PTPRQ: variants seen among roughly 807,000 people sequenced by gnomAD.
PTPRQ encodes phosphatidylinositol phosphatase PTPRQ.
PTPRQ carries 199 observed loss-of-function variants against 246.0 expected under a neutral mutation model. The observed-to-expected ratio is 0.81, with a 90% CI of 0.72 to 0.91. The LOEUF (loss-of-function observed/expected upper bound fraction) is 0.91, where lower values mean the gene tolerates loss of function less well. Among genes scored for constraint, PTPRQ ranks in the 40% least tolerant of loss-of-function variants. PTPRQ has a pLI of 0.00. For missense variants in PTPRQ, 2,624 were observed against 2,528.4 expected, an observed-to-expected ratio of 1.04 and a Z score of -0.81; for synonymous variants, 869 against 853.2, an observed-to-expected ratio of 1.02 and a Z score of -0.32.
intron 17 of PTPRQ, among the ~76,000 whole-genome samples, chr12:80,519,739 C>A (rs1307758952): frequency 6.6e-6 from 1 of 152,144 alleles, no homozygotes; most frequent in African/African-American, 2.4e-5. Context: ...AGGTCCTATA[C>A]ATCAAATGAT....
chr12:80,616,271 A>G lies in PTPRQ; in HGVS notation c.5230+5A>G. The G allele has an allele frequency of 3.4e-6, 5 of 1,472,252 alleles. No homozygotes were observed. Among genetic ancestry groups the G allele is most frequent in the Non-Finnish European group, 4.5e-6 (5 of 1,110,236 alleles). 91.2% of individuals were successfully genotyped at this position (1,472,252 alleles called of 1,614,324 possible). A position where few individuals can be genotyped will look rare whatever the true frequency, so the allele number is the denominator to read the frequency against. ...GAATAACCATGGATATCAAAGGTAC[A>G]TACATGAGCTACCTTCCTATGAAAT... On this transcript the variant is annotated splice_donor_5th_base_variant and intron_variant, in intron 30 of 44. Transcript: ENST00000644991.
In PTPRQ at chr12:80,496,326, C is replaced by T. The variant is rs560612932; in HGVS notation, c.2067C>T (p.Pro689=). 5.2e-6 allele frequency: 8 copies of T among 1,550,486 alleles called. No individual in the cohort carries two copies. The highest frequency in any genetic ancestry group is 4.9e-5 in the East Asian group (2 of 40,856). Residue 689 remains proline, a synonymous_variant, in exon 14 of 45, where the codon CCC becomes CCT. Transcript: ENST00000644991. The part of the protein sequence containing the change: ...ADEIRLKWSP[P]EKPNGIIIAY... Reference sequence around the variant, plus strand: ...AAATAAGGTTGAAGTGGTCACCACCCGAAAAGCCCAATGGGATCATTATTG... The same window carrying T: ...AAATAAGGTTGAAGTGGTCACCACCTGAAAAGCCCAATGGGATCATTATTG...
At chr12:80,635,529 A>G (rs1292995781) in intron 35 of PTPRQ, among the ~76,000 whole-genome samples, 1 of 152,104 alleles carries the variant, frequency 6.6e-6, no homozygotes, top group African/African-American at 2.4e-5. Flanking sequence ...ATAAAAGTCT[A>G]AGTTGTATAT....
chr12:80,632,405 T>C (rs1899473718), intron 34 of PTPRQ, 114 bp downstream of exon 34: 1 of 1,379,128 alleles, frequency 7.3e-7, no homozygotes, highest in Admixed American at 2.5e-5. Flanking sequence ...ATTTTTATTT[T>C]TAATAGACAG....
intron 33 of PTPRQ, among the ~76,000 whole-genome samples, chr12:80,624,941 C>G (rs1355615263): frequency 6.6e-6 from 1 of 152,126 alleles, no homozygotes; most frequent in African/African-American, 2.4e-5. Flanking sequence ...AGAAAGTTTA[C>G]AAATTTCTGT....
chr12:80,551,358 T>G (rs1484968387), intron 25 of PTPRQ, among the ~76,000 whole-genome samples: 2 of 152,128 alleles, frequency 1.3e-5, no homozygotes, highest in East Asian at 3.9e-4. Context: ...GGCTCTGCAA[T>G]TTGCCCCTTC....
At chr12:80,671,382 G>A (rs1372907539) in intron 42 of PTPRQ, among the ~76,000 whole-genome samples, 1 of 151,952 alleles carries the variant, frequency 6.6e-6, no homozygotes. Context: ...TTTTATGCTG[G>A]CATCACTGAT....
chr12:80,602,935 C>T (rs748146718), intron 26 of PTPRQ, among the ~76,000 whole-genome samples: 3 of 151,730 alleles, frequency 2.0e-5, no homozygotes, highest in Non-Finnish European at 4.4e-5. Flanking sequence ...CCAAGCTCAT[C>T]TTTCCATTTG....
rs926926847 is a variant in PTPRQ, at chr12:80,459,453, C to T, written c.630C>T (p.Asp210=). 7.5e-6 allele frequency: 3 copies of T among 398,292 alleles called. No individual in the cohort carries two copies. The highest frequency in any genetic ancestry group is 4.1e-5 in the African/African-American group (2 of 48,610). The allele number at this position is 398,292 out of a possible 1,614,324, so 24.7% of individuals were successfully genotyped here. A position where few individuals can be genotyped will look rare whatever the true frequency, so the allele number is the denominator to read the frequency against. Residue 210 remains aspartate, a synonymous_variant, in exon 5 of 45, where the codon GAC becomes GAT. Coordinates refer to ENST00000644991, the MANE Select transcript of PTPRQ (RefSeq NM_001145026.2). The part of the protein sequence containing the change: ...VVKDVSIRVE[D]ILTGKLPECN... ...AAGATGTCTCAATCAGAGTAGAGGA[C>T]ATTTTGACTGGGAAATTGCCAGAAT...
chr12:80,578,802 T>A (rs1457438018), intron 25 of PTPRQ, among the ~76,000 whole-genome samples: 3 of 152,250 alleles, frequency 2.0e-5, no homozygotes, highest in Admixed American at 2.0e-4. Context: ...AGAAGAAATG[T>A]ATCTTTGGTT....
intron 4 of PTPRQ, among the ~76,000 whole-genome samples, chr12:80,458,538 A>T (rs1893047894): frequency 6.8e-6 from 1 of 148,106 alleles, no homozygotes; most frequent in Non-Finnish European, 1.5e-5. Flanking sequence ...ACTATCACTT[A>T]TTTTTTTTTT....
At position 80,535,170 on chromosome 12, in the gene PTPRQ, A is replaced by T. The variant is rs535007583; in HGVS notation, c.2985+133A>T. 3.4e-6 allele frequency: 3 copies of T among 872,016 alleles called. No homozygotes were observed. In the South Asian group the frequency reaches 7.1e-5, roughly 21 times the overall value. 54.0% of individuals were successfully genotyped at this position (872,016 alleles called of 1,614,324 possible). On this transcript the variant is annotated intron_variant, in intron 19 of 44. Coordinates refer to ENST00000644991, the MANE Select transcript of PTPRQ (RefSeq NM_001145026.2). Reference sequence around the variant, plus strand: ...CACAGATGTATTTTATAAAACTCCCATTGACATAGAAAAATGCGGTGTAGA... The same window carrying T: ...CACAGATGTATTTTATAAAACTCCCTTTGACATAGAAAAATGCGGTGTAGA...
chr12:80,512,209 TTA>T (rs1197649396), intron 17 of PTPRQ, among the ~76,000 whole-genome samples: 1 of 152,186 alleles, frequency 6.6e-6, no homozygotes, highest in African/African-American at 2.4e-5. Context: ...ATGAAACAGA[TTA>T]AGTGAGAATC....
chr12:80,605,340 T>G (rs1046491071), intron 27 of PTPRQ, among the ~76,000 whole-genome samples, 160 bp downstream of exon 27: 5 of 151,372 alleles, frequency 3.3e-5, no homozygotes, highest in African/African-American at 1.2e-4. Context: ...AGATTAATAA[T>G]AGTAAACAGG....
intron 14 of PTPRQ, among the ~76,000 whole-genome samples, chr12:80,497,885 C>A (rs1030170160): frequency 2.0e-5 from 3 of 151,964 alleles, no homozygotes; most frequent in African/African-American, 7.2e-5. Context: ...TCATATAGTT[C>A]AGCCAGATAC....
intron 7 of PTPRQ, among the ~76,000 whole-genome samples, chr12:80,469,527 A>G (rs1004530833): frequency 1.3e-5 from 2 of 152,158 alleles, no homozygotes; most frequent in African/African-American, 4.8e-5. Flanking sequence ...AAGAAGTTTA[A>G]TTCTAACAAT....
At chr12:80,548,783 TA>T (rs1435789082) in intron 24 of PTPRQ, among the ~76,000 whole-genome samples, 2 of 152,114 alleles carry the variant, frequency 1.3e-5, no homozygotes, top group Non-Finnish European at 2.9e-5. Flanking sequence ...CCAGTTTCTC[TA>T]ATGTGCAGTC....
intron 22 of PTPRQ, 56 bp from the exon 23 acceptor site, chr12:80,542,674 C>T: frequency 1.3e-6 from 2 of 1,495,744 alleles, no homozygotes; most frequent in South Asian, 1.4e-5. Context: ...AGTCACGGTG[C>T]TATTTTTATG....
chr12:80,633,477 C>G (rs1381179463), intron 34 of PTPRQ, among the ~76,000 whole-genome samples: 1 of 152,182 alleles, frequency 6.6e-6, no homozygotes, highest in East Asian at 1.9e-4. Flanking sequence ...ACCTCAAAAT[C>G]TAGCTTCTTA....
Sources: allele counts gnomAD v4.1 joint callset (sites outside exome capture counted in the v4.1 genomes callset), GRCh38; gene constraint gnomAD v4.1.1; transcripts MANE v1.5; gene names NCBI Gene and HGNC (gene_info 2026-07-23, HGNC 2026-07-21).